PTPRD: variants seen among roughly 807,000 people sequenced by gnomAD.
PTPRD encodes receptor-type tyrosine-protein phosphatase delta.
Under a neutral mutation model 214.5 loss-of-function variants are expected in PTPRD, and 34 were observed. That is an observed-to-expected ratio of 0.16 (90% CI 0.12 to 0.21). The LOEUF is 0.21. Ranked by LOEUF, PTPRD falls within the 10% of genes least tolerant of loss-of-function variation. The probability of loss-of-function intolerance (pLI) is 1.00; values close to 1 mark genes in which losing one functional copy is unlikely to be tolerated. For synonymous variants in PTPRD, 1,128 were observed against 845.7 expected (o/e 1.33, Z -5.79); for missense variants, 2,545 against 2,398.7 (o/e 1.06, Z -1.27).
Position 8,485,811 on chromosome 9 carries a change from G to A in PTPRD, c.3006C>T (p.Pro1002=), listed in dbSNP as rs148110842. 1.2e-5 allele frequency: 20 copies of A among 1,613,752 alleles called. No homozygotes were observed. Among genetic ancestry groups the A allele is most frequent in the Admixed American group, 3.3e-5 (2 of 59,996 alleles). Residue 1002 remains proline, a synonymous_variant, in exon 28 of 46, where the codon CCC becomes CCT. Transcript: ENST00000381196. The part of the protein sequence containing the change: ...VKVRAHTSKG[P]GPYSPSVQFR... ...ACTGGACACTGGGACTATATGGCCC[G>A]GGCCCTTTGCTCGTATGAGCACGTA...
intron 12 of PTPRD, among the ~76,000 whole-genome samples, chr9:8,659,446 C>G (rs924954072): frequency 1.3e-5 from 2 of 152,220 alleles, no homozygotes; most frequent in African/African-American, 4.8e-5. Flanking sequence ...CCATGACCAT[C>G]AGTATTTTCA....
intron 3 of PTPRD, among the ~76,000 whole-genome samples, chr9:10,260,548 G>T (rs1479610003): frequency 2.0e-5 from 3 of 152,022 alleles, no homozygotes; most frequent in Non-Finnish European, 2.9e-5. Flanking sequence ...ATTTTATCTT[G>T]TGATCCTAAA....
chr9:8,943,514 T>C (rs2099045885), intron 11 of PTPRD, among the ~76,000 whole-genome samples: 1 of 151,616 alleles, frequency 6.6e-6, no homozygotes, highest in East Asian at 1.9e-4. Context: ...GCCAAGAACA[T>C]ACACTGTGGA....
At chr9:10,602,884 G>A (rs1400304091) in intron 2 of PTPRD, among the ~76,000 whole-genome samples, 1 of 151,704 alleles carries the variant, frequency 6.6e-6, no homozygotes, top group Non-Finnish European at 1.5e-5. Flanking sequence ...ACTGGCAGAT[G>A]GGACCCTGTT....
At chr9:10,506,167 A>AG (rs1248737587) in intron 2 of PTPRD, among the ~76,000 whole-genome samples, 1 of 151,950 alleles carries the variant, frequency 6.6e-6, no homozygotes, top group Non-Finnish European at 1.5e-5. Context: ...CAGATGGGTA[A>AG]GGGGAAATGG....
At chr9:8,533,782 A>G (rs1349937795) in intron 14 of PTPRD, among the ~76,000 whole-genome samples, 1 of 152,008 alleles carries the variant, frequency 6.6e-6, no homozygotes, top group Non-Finnish European at 1.5e-5. Flanking sequence ...TGTTCAACAA[A>G]TACTCACAAT....
chr9:8,699,015 G>T (rs1251163163), intron 12 of PTPRD, among the ~76,000 whole-genome samples: 3 of 152,180 alleles, frequency 2.0e-5, no homozygotes, highest in Admixed American at 1.3e-4. Flanking sequence ...TTGAAGTTGT[G>T]AATTCTTTTC....
chr9:10,424,112 T>C (rs369305242), intron 2 of PTPRD, among the ~76,000 whole-genome samples: 6 of 152,078 alleles, frequency 3.9e-5, no homozygotes, highest in Non-Finnish European at 7.4e-5. Context: ...GCCTTACAGT[T>C]CAAAACGAAG....
chr9:9,019,522 T>C (rs1192205234), intron 10 of PTPRD, among the ~76,000 whole-genome samples: 2 of 152,072 alleles, frequency 1.3e-5, no homozygotes, highest in Non-Finnish European at 2.9e-5. Flanking sequence ...CTGGCCAACA[T>C]GGTGAAACCC....
intron 14 of PTPRD, among the ~76,000 whole-genome samples, chr9:8,557,744 A>ATT (rs141276971): frequency 0.13 from 17,749 of 132,562 alleles, 4,294 homozygotes; most frequent in African/African-American, 0.49. Context: ...CTGTCTCTCA[A>ATT]TAAAAAAAAA....
At chr9:9,304,318 G>A (rs899671886) in intron 9 of PTPRD, among the ~76,000 whole-genome samples, 4 of 152,138 alleles carry the variant, frequency 2.6e-5, no homozygotes, top group Non-Finnish European at 2.9e-5. Flanking sequence ...TGAGTAAAGT[G>A]ATCATGATAA....
intron 5 of PTPRD, among the ~76,000 whole-genome samples, chr9:9,866,195 G>A (rs2063902818): frequency 1.3e-5 from 2 of 152,146 alleles, no homozygotes; most frequent in East Asian, 3.9e-4. Context: ...TGTTTTTAAT[G>A]TTAGTAATTT....
chr9:10,558,941 T>C (rs2063224930), intron 2 of PTPRD, among the ~76,000 whole-genome samples: 1 of 152,202 alleles, frequency 6.6e-6, no homozygotes, highest in Admixed American at 6.5e-5. Context: ...GGTATGCATG[T>C]GAAAGGAAAA....
intron 23 of PTPRD, among the ~76,000 whole-genome samples, chr9:8,502,849 T>TGC (rs1491481352): frequency 8.7e-6 from 1 of 115,586 alleles, no homozygotes; most frequent in African/African-American, 3.2e-5. Context: ...TGTGTGTGTG[T>TGC]ATATATATAT....
chr9:8,650,480 G>A (rs962424123), intron 12 of PTPRD, among the ~76,000 whole-genome samples: 5 of 149,208 alleles, frequency 3.4e-5, no homozygotes, highest in South Asian at 4.2e-4. Context: ...AGCCGAGATC[G>A]TGTCATTGCA....
intron 11 of PTPRD, among the ~76,000 whole-genome samples, chr9:8,738,379 T>G (rs888900741): frequency 6.7e-6 from 1 of 149,414 alleles, no homozygotes; most frequent in Non-Finnish European, 1.5e-5. Flanking sequence ...TTCAGCTTTC[T>G]ATACTGTTAT....
chr9:8,558,441 C>A (rs552485590), intron 14 of PTPRD, among the ~76,000 whole-genome samples: 1 of 152,288 alleles, frequency 6.6e-6, no homozygotes, highest in East Asian at 1.9e-4. Flanking sequence ...CTCACAGAGC[C>A]ATGCCACGTG....
intron 5 of PTPRD, among the ~76,000 whole-genome samples, chr9:9,922,215 T>C (rs1378744460): frequency 6.6e-6 from 1 of 152,044 alleles, no homozygotes; most frequent in Non-Finnish European, 1.5e-5. Flanking sequence ...TTCATCAAGT[T>C]CTAAGGTGGT....
intron 9 of PTPRD, among the ~76,000 whole-genome samples, chr9:9,242,883 G>A (rs1455430167): frequency 6.6e-6 from 1 of 152,126 alleles, no homozygotes; most frequent in East Asian, 1.9e-4. Flanking sequence ...TTGCTGGTGA[G>A]GAGCTGCGTT....
Sources: allele counts gnomAD v4.1 joint callset (sites outside exome capture counted in the v4.1 genomes callset), GRCh38; gene constraint gnomAD v4.1.1; transcripts MANE v1.5; gene names NCBI Gene and HGNC (gene_info 2026-07-23, HGNC 2026-07-21).